The following NOX4 variants were observed in gnomAD, a reference collection of about 807,000 sequenced individuals.
The protein encoded by NOX4 is NADPH oxidase 4.
A neutral mutation model predicts 87.6 loss-of-function variants in NOX4; 69 were observed. The ratio of observed to expected loss-of-function variants is 0.79; its 90% CI spans 0.65 to 0.96. The LOEUF is 0.96. Among genes scored for constraint, NOX4 ranks in the 40% least tolerant of loss-of-function variants. The pLI, the probability that NOX4 is intolerant of heterozygous loss-of-function variation, is 0.00. For synonymous variants in NOX4, 275 were observed against 238.2 expected (o/e 1.15, Z -1.42); for missense variants, 680 against 681.5 (o/e 1.00, Z 0.02).
chr11:89,587,744 T>C, the NOX4 span, among the ~76,000 whole-genome samples: 1 of 152,194 alleles, frequency 6.6e-6, no homozygotes, highest in Non-Finnish European at 1.5e-5. Context: ...TATATATTTA[T>C]AAACTGATTT....
chr11:89,498,173 A>C (rs1397404782), exon 1 of NOX4: 1 of 152,172 alleles, frequency 6.6e-6, no homozygotes, highest in Non-Finnish European at 1.5e-5. Context: ...TGTTTCTCCA[A>C]CTAGACTAGA....
Position 89,491,252 on chromosome 11 carries a change from C to T in NOX4, c.-6G>A, listed in dbSNP as rs779013102. 91 of 1,611,470 alleles carry T rather than the reference C, an allele frequency of 5.6e-5. No homozygotes were observed. Among genetic ancestry groups the T allele is most frequent in the Non-Finnish European group, 7.3e-5 (86 of 1,178,764 alleles). The stretch of plus-strand genomic sequence containing the variant: ...CTCCTCCAGGACACAGCCATGCCGC[C>T]GGCCCCGCCGCGCTGCGCTCTGTGC... On this transcript the variant is annotated 5_prime_UTR_variant, in exon 1 of 18. Transcript: ENST00000263317.
chr11:89,519,200 C>T, the NOX4 span, among the ~76,000 whole-genome samples: 6 of 151,956 alleles, frequency 3.9e-5, no homozygotes, highest in African/African-American at 2.4e-5. Context: ...AATCTGAGAG[C>T]ATAAAAGAAA....
At chr11:89,365,227 G>T (rs35831568) in intron 12 of NOX4, among the ~76,000 whole-genome samples, 8,668 of 152,066 alleles carry the variant, frequency 0.057, 463 homozygotes, top group African/African-American at 0.13. Context: ...TTTCCAGGGG[G>T]AGCAGAGTGA....
chr11:89,432,743 C>A, intron 7 of NOX4, 41 bp downstream of exon 7: 2 of 1,399,562 alleles, frequency 1.4e-6, no homozygotes, highest in Non-Finnish European at 1.0e-6. Context: ...TTCTAAATAA[C>A]CTGACAGATA....
upstream of NOX4, among the ~76,000 whole-genome samples, chr11:89,495,878 T>C (rs1425369786): frequency 2.0e-5 from 3 of 152,182 alleles, no homozygotes; most frequent in East Asian, 5.8e-4. Flanking sequence ...GAGGGATTAG[T>C]ATTAAAATTC....
intron 3 of NOX4, among the ~76,000 whole-genome samples, chr11:89,449,862 C>T (rs1944877661): frequency 1.3e-5 from 2 of 152,110 alleles, no homozygotes; most frequent in Non-Finnish European, 2.9e-5. Context: ...AAATTGTCAT[C>T]AGTGGTTGTT....
At chr11:89,416,162 T>C (rs1942760468) in intron 8 of NOX4, among the ~76,000 whole-genome samples, 1 of 152,150 alleles carries the variant, frequency 6.6e-6, no homozygotes, top group Admixed American at 6.6e-5. Flanking sequence ...TCCCCATTCA[T>C]TCTCAAAAGT....
At chr11:89,380,163 GAGAA>G (rs1243696157) in intron 11 of NOX4, among the ~76,000 whole-genome samples, 2 of 152,208 alleles carry the variant, frequency 1.3e-5, no homozygotes, top group African/African-American at 2.4e-5. Context: ...TACAGCTAGA[GAGAA>G]AGAGAGGTTG....
the NOX4 span, among the ~76,000 whole-genome samples, chr11:89,583,368 G>GAGGT: frequency 1.3e-5 from 2 of 152,130 alleles, no homozygotes; most frequent in African/African-American, 4.8e-5. Context: ...AGAGACTTTA[G>GAGGT]AGGTCAGCAA....
At chr11:89,500,208 G>T (rs184600015), upstream of NOX4, among the ~76,000 whole-genome samples, 1 of 152,232 alleles carries the variant, frequency 6.6e-6, no homozygotes, top group Non-Finnish European at 1.5e-5. Context: ...TTTTGGTTAA[G>T]AAGAAAGTTT....
At chr11:89,461,581 C>T (rs1274157700) in intron 2 of NOX4, among the ~76,000 whole-genome samples, 2 of 151,422 alleles carry the variant, frequency 1.3e-5, no homozygotes. Context: ...GAAGGCAGAG[C>T]TTGCAGTGAG....
intron 12 of NOX4, among the ~76,000 whole-genome samples, chr11:89,361,590 C>T (rs1199544210): frequency 3.3e-5 from 5 of 152,010 alleles, no homozygotes; most frequent in East Asian, 1.9e-4. Context: ...TCTACCTGTA[C>T]CCCAAAAACT....
chr11:89,504,420 TA>T, the NOX4 span, among the ~76,000 whole-genome samples: 1 of 151,954 alleles, frequency 6.6e-6, no homozygotes, highest in Non-Finnish European at 1.5e-5. Context: ...AGTTTTCTTT[TA>T]AAAACATCAC....
chr11:89,538,387 CTT>C, the NOX4 span, among the ~76,000 whole-genome samples: 1 of 152,238 alleles, frequency 6.6e-6, no homozygotes, highest in South Asian at 2.1e-4. Context: ...TTCTGACAAT[CTT>C]CTTTAAAATT....
At chr11:89,343,234 A>G (rs1946079551) in intron 13 of NOX4, among the ~76,000 whole-genome samples, 1 of 152,198 alleles carries the variant, frequency 6.6e-6, no homozygotes, top group Admixed American at 6.5e-5. Context: ...AAAAGGGTCA[A>G]TAAGTTGGGA....
the NOX4 span, among the ~76,000 whole-genome samples, chr11:89,581,151 A>G: frequency 1.3e-5 from 2 of 152,306 alleles, no homozygotes; most frequent in East Asian, 3.9e-4. Flanking sequence ...TGGAAATGGT[A>G]GATGTGGGTA....
intron 17 of NOX4, among the ~76,000 whole-genome samples, chr11:89,331,015 T>C (rs1270998403): frequency 7.2e-5 from 11 of 152,150 alleles, no homozygotes; most frequent in African/African-American, 1.4e-4. Flanking sequence ...TAGAATGTTC[T>C]ATCTAACAAT....
chr11:89,411,912 G>A (rs1942501097), intron 8 of NOX4, among the ~76,000 whole-genome samples: 1 of 152,022 alleles, frequency 6.6e-6, no homozygotes, highest in Non-Finnish European at 1.5e-5. Context: ...ATGATCTGCT[G>A]GTTACAAGAA....
Sources: allele counts gnomAD v4.1 joint callset (sites outside exome capture counted in the v4.1 genomes callset), GRCh38; gene constraint gnomAD v4.1.1; transcripts MANE v1.5; gene names NCBI Gene and HGNC (gene_info 2026-07-23, HGNC 2026-07-21).